The following ARHGEF26 variants were observed in gnomAD, a reference collection of about 807,000 sequenced individuals.
ARHGEF26 encodes Rho guanine nucleotide exchange factor 26.
A neutral mutation model predicts 89.4 loss-of-function variants in ARHGEF26; 59 were observed. The ratio of observed to expected loss-of-function variants is 0.66; its 90% CI spans 0.54 to 0.82. The LOEUF (loss-of-function observed/expected upper bound fraction) is 0.82, where lower values mean the gene tolerates loss of function less well. Among genes scored for constraint, ARHGEF26 ranks in the 40% least tolerant of loss-of-function variants. ARHGEF26 has a pLI of 0.00. For missense variants in ARHGEF26, 1,234 were observed against 1,085.6 expected (o/e 1.14, Z -1.92); for synonymous variants, 500 against 428.4 (o/e 1.17, Z -2.06).
In ARHGEF26 at chr3:154,122,862, T is replaced by G; in HGVS notation, c.870T>G (p.Gly290=). The G allele has an allele frequency of 6.2e-7, 1 of 1,612,898 alleles. No homozygotes were observed. The highest frequency in any genetic ancestry group is 8.5e-7 in the Non-Finnish European group (1 of 1,179,456). ...TGGAGGGCCTAGGAGGACCCCTGGG[T>G]CACGCAGGGGAGGAGAGTGAGGTCG... ...SMVEGLGGPL[G]HAGEESEVDN... The change falls in exon 2 of 15, where the codon GGT becomes GGG. Residue 290 remains glycine, a synonymous_variant. Transcript: ENST00000465093.
At chr3:154,170,944 T>C (rs1443272865) in intron 6 of ARHGEF26, among the ~76,000 whole-genome samples, 17 of 152,212 alleles carry the variant, frequency 1.1e-4, no homozygotes, top group Non-Finnish European at 2.5e-4. Flanking sequence ...GTTGGGACGA[T>C]TGATTTCTTT....
At chr3:154,239,317 TGTGTGTGTGTGTG>T (rs1559920744) in intron 11 of ARHGEF26, among the ~76,000 whole-genome samples, 1 of 147,466 alleles carries the variant, frequency 6.8e-6, no homozygotes, top group African/African-American at 2.6e-5. Flanking sequence ...TGTGTGTGTG[TGTGTGTGTGTGTG>T]TGTGTGTGTG....
At chr3:154,210,174 A>T (rs1715276172) in intron 9 of ARHGEF26, among the ~76,000 whole-genome samples, 1 of 152,128 alleles carries the variant, frequency 6.6e-6, no homozygotes, top group African/African-American at 2.4e-5. Flanking sequence ...GGGCAGGTCC[A>T]GAAATGCCAT....
rs551885281 is a variant in ARHGEF26 at position 154,177,919 on chromosome 3, T to C, written c.1488-9766T>C. On this transcript the variant is annotated intron_variant, in intron 6 of 14. Coordinates refer to ENST00000465093, the MANE Select transcript of ARHGEF26 (RefSeq NM_015595.4). Reference sequence around the variant, plus strand: ...TGCTGCACTTATTAAAAGGGCTTTATTGGCCAGGTACAGTGGCTCACACCT... The same window carrying C: ...TGCTGCACTTATTAAAAGGGCTTTACTGGCCAGGTACAGTGGCTCACACCT... Among the ~76,000 whole-genome samples the C allele has an allele frequency of 7.2e-5, 11 of 152,294 alleles. No individual in the cohort carries two copies. The South Asian group carries it at 2.3e-3, about 32-fold the overall frequency.
chr3:154,216,478 GTTTTTT>G (rs1199918146), intron 9 of ARHGEF26, among the ~76,000 whole-genome samples: 4 of 37,698 alleles, frequency 1.1e-4, no homozygotes, highest in Non-Finnish European at 1.5e-4. Flanking sequence ...TTCAGCACTT[GTTTTTT>G]TTTTTTTATT....
At chr3:154,133,369 G>A (rs1408155824) in intron 4 of ARHGEF26, among the ~76,000 whole-genome samples, 1 of 151,972 alleles carries the variant, frequency 6.6e-6, no homozygotes, top group Non-Finnish European at 1.5e-5. Context: ...TTATTTAGTT[G>A]GGCCTCAGTA....
intron 4 of ARHGEF26, among the ~76,000 whole-genome samples, chr3:154,141,064 C>T (rs1719347248): frequency 6.6e-6 from 1 of 152,094 alleles, no homozygotes; most frequent in South Asian, 2.1e-4. Context: ...TGGGTTCACG[C>T]AGTTCTCCTG....
chr3:154,210,102 TGTG>T (rs1003885775), intron 9 of ARHGEF26, among the ~76,000 whole-genome samples: 4 of 152,096 alleles, frequency 2.6e-5, no homozygotes, highest in African/African-American at 9.7e-5. Context: ...TAAGTCAGCT[TGTG>T]GTGAATGCTG....
At chr3:154,143,668 C>A (rs1346360685) in intron 4 of ARHGEF26, among the ~76,000 whole-genome samples, 1 of 152,170 alleles carries the variant, frequency 6.6e-6, no homozygotes, top group East Asian at 1.9e-4. Flanking sequence ...CTTAACTTTA[C>A]CACCATTCCC....
intron 6 of ARHGEF26, among the ~76,000 whole-genome samples, chr3:154,185,649 T>C (rs1713479486): frequency 6.6e-6 from 1 of 152,158 alleles, no homozygotes; most frequent in African/African-American, 2.4e-5. Flanking sequence ...TTAAGGGTTA[T>C]TGTGGAGGCT....
Position 154,170,887 on chromosome 3 carries a change from A to G in ARHGEF26, c.1488-16798A>G, listed in dbSNP as rs535680801. 1.1e-4 allele frequency among the ~76,000 whole-genome samples: 16 copies of G among 152,354 alleles called. No homozygotes were observed. The East Asian group carries it at 3.1e-3, about 29-fold the overall frequency. ...TCACCCTCTAATGTAAGGATGATTC[A>G]TAATTATCAGCTAATACTGAATTAT... is the stretch of plus-strand genomic sequence containing the variant. On this transcript the variant is annotated intron_variant, in intron 6 of 14. Coordinates refer to ENST00000465093, the MANE Select transcript of ARHGEF26 (RefSeq NM_015595.4).
chr3:154,256,573 AAACC>A lies in ARHGEF26; in HGVS notation c.*1101_*1104del, dbSNP rs1718522696. On this transcript the variant is annotated 3_prime_UTR_variant, in exon 15 of 15. Coordinates refer to ENST00000465093, the MANE Select transcript of ARHGEF26 (RefSeq NM_015595.4). ...TAAAAAAAAAAAAAAAAAAAAAAAA[AAACC>A]TTCCCAAATGAGCTGATAAAAAACT... 2.7e-5 allele frequency: 25 copies of A among 942,802 alleles called. No homozygotes were observed. The highest frequency in any genetic ancestry group is 5.7e-5 in the African/African-American group (3 of 52,266). 58.4% of individuals were successfully genotyped at this position (942,802 alleles called of 1,614,324 possible). A position where few individuals can be genotyped will look rare whatever the true frequency, so the allele number is the denominator to read the frequency against.
chr3:154,184,316 A>G (rs1489268469), intron 6 of ARHGEF26, among the ~76,000 whole-genome samples: 2 of 152,220 alleles, frequency 1.3e-5, no homozygotes, highest in Non-Finnish European at 2.9e-5. Context: ...GCATTACAAA[A>G]CAGTTGGAGT....
At chr3:154,203,522 C>G (rs1393393273) in intron 9 of ARHGEF26, among the ~76,000 whole-genome samples, 1 of 152,098 alleles carries the variant, frequency 6.6e-6, no homozygotes, top group Non-Finnish European at 1.5e-5. Context: ...AGTACTATGT[C>G]AAATAATGGT....
At chr3:154,180,134 C>T (rs749073926) in intron 6 of ARHGEF26, among the ~76,000 whole-genome samples, 2 of 152,186 alleles carry the variant, frequency 1.3e-5, no homozygotes, top group Non-Finnish European at 2.9e-5. Context: ...GCCTCCCTCT[C>T]TTATAAGGAC....
At chr3:154,251,880 C>G (rs1007802801) in intron 12 of ARHGEF26, among the ~76,000 whole-genome samples, 5 of 152,164 alleles carry the variant, frequency 3.3e-5, no homozygotes, top group Non-Finnish European at 5.9e-5. Context: ...CCTGGCGCAT[C>G]TGTGTCTTGG....
chr3:154,226,646 G>A (rs1337494159), intron 11 of ARHGEF26, among the ~76,000 whole-genome samples: 2 of 129,620 alleles, frequency 1.5e-5, no homozygotes, highest in Non-Finnish European at 3.2e-5. Context: ...TCTTCTGTCA[G>A]ACTGTTTCTG....
At chr3:154,152,145 T>A (rs1177473664) in intron 5 of ARHGEF26, among the ~76,000 whole-genome samples, 2 of 152,304 alleles carry the variant, frequency 1.3e-5, no homozygotes, top group Admixed American at 1.3e-4. Flanking sequence ...GAATGTGACT[T>A]GTTGAATAGA....
intron 9 of ARHGEF26, among the ~76,000 whole-genome samples, chr3:154,205,221 C>T (rs749890325): frequency 6.6e-6 from 1 of 152,094 alleles, no homozygotes; most frequent in South Asian, 2.1e-4. Context: ...ATTATTATAT[C>T]CTCTTGCTGA....
Sources: gnomAD v4.1 joint callset for allele counts (sites outside exome capture counted in the v4.1 genomes callset) on GRCh38, gnomAD v4.1.1 for gene constraint, MANE v1.5 for transcripts, NCBI Gene and HGNC (gene_info 2026-07-23, HGNC 2026-07-21) for gene names.